FNBP1L: variants seen among roughly 807,000 people sequenced by gnomAD.
FNBP1L encodes the protein formin binding protein 1 like.
In FNBP1L, 36 loss-of-function variants were observed where a neutral mutation model predicts 91.2. The ratio of observed to expected loss-of-function variants is 0.39; its 90% confidence interval spans 0.30 to 0.52. The LOEUF (loss-of-function observed/expected upper bound fraction) is 0.52. FNBP1L is among the 20% of genes least tolerant of loss of function. The pLI, the probability that FNBP1L is intolerant of heterozygous loss-of-function variation, is 0.66. For missense variants in FNBP1L, 571 were observed against 732.1 expected (o/e 0.78, Z 2.54); for synonymous variants, 242 against 237.0 (o/e 1.02, Z -0.19).
chr1:93,546,726 A>C (rs1672252765), intron 12 of FNBP1L, 116 bp from the exon 13 acceptor site: 1 of 1,079,038 alleles, frequency 9.3e-7, no homozygotes, highest in African/African-American at 1.6e-5. Context: ...AAACTTAAAA[A>C]GATGTGACTC....
At chr1:93,472,575 G>A (rs1040913517) in intron 1 of FNBP1L, among the ~76,000 whole-genome samples, 1 of 151,882 alleles carries the variant, frequency 6.6e-6, no homozygotes, top group African/African-American at 2.4e-5. Context: ...AACTTTGGGA[G>A]GCTGAGGTGG....
rs1194477107 is a variant in FNBP1L at position 93,477,785 on chromosome 1, C to G, written c.25-21683C>G. Among the ~76,000 whole-genome samples the G allele has an allele frequency of 2.0e-5, 3 of 152,276 alleles. 1 individual carries two copies. Among genetic ancestry groups the G allele is most frequent in the Middle Eastern group, 6.8e-3 (2 of 294 alleles). Reference sequence around the variant, plus strand: ...AATCCATATTTCTATTTCAGATGTCCTACTATAACCATACCCTGCATTAGT... The same window carrying G: ...AATCCATATTTCTATTTCAGATGTCGTACTATAACCATACCCTGCATTAGT... On this transcript the variant is annotated intron_variant, in intron 1 of 16. Coordinates refer to ENST00000271234, the MANE Select transcript of FNBP1L (RefSeq NM_001164473.3).
At chr1:93,545,473 CAG>C (rs1001094856) in intron 12 of FNBP1L, among the ~76,000 whole-genome samples, 3 of 151,990 alleles carry the variant, frequency 2.0e-5, no homozygotes, top group Non-Finnish European at 2.9e-5. Context: ...AGTGCTAATC[CAG>C]AGAGACTTGG....
chr1:93,539,065 T>C (rs1671940470), intron 10 of FNBP1L, among the ~76,000 whole-genome samples: 1 of 152,090 alleles, frequency 6.6e-6, no homozygotes, highest in Non-Finnish European at 1.5e-5. Context: ...AACAAACTAA[T>C]AATTTTTACT....
chr1:93,512,560 A>G (rs1478778579), intron 2 of FNBP1L, among the ~76,000 whole-genome samples: 2 of 151,982 alleles, frequency 1.3e-5, no homozygotes, highest in African/African-American at 2.4e-5. Flanking sequence ...AACAGAAATT[A>G]TAGCAAACTA....
chr1:93,471,458 A>G (rs1207900742), intron 1 of FNBP1L, among the ~76,000 whole-genome samples: 2 of 152,196 alleles, frequency 1.3e-5, no homozygotes, highest in Non-Finnish European at 2.9e-5. Context: ...TTGGGAGGCC[A>G]AGGTGGGCAG....
chr1:93,488,823 C>T lies in FNBP1L; in HGVS notation c.25-10645C>T, dbSNP rs1360745242. 2.0e-5 allele frequency among the ~76,000 whole-genome samples: 3 copies of T among 152,054 alleles called. No homozygotes were observed. The East Asian group carries it at 5.8e-4, about 29-fold the overall frequency. ...ATGGACAGTTTATCCGAAGTAATAA[C>T]CAGGAATGCCTAATAAAAACATGCA... On this transcript the variant is annotated intron_variant, in intron 1 of 16. Transcript: ENST00000271234.
intron 14 of FNBP1L, among the ~76,000 whole-genome samples, chr1:93,548,867 G>A (rs1489644115): frequency 6.6e-6 from 1 of 152,156 alleles, no homozygotes; most frequent in Non-Finnish European, 1.5e-5. Context: ...GGCCACTCCA[G>A]ATTCAGAATA....
chr1:93,457,053 A>G (rs551624809), intron 1 of FNBP1L, among the ~76,000 whole-genome samples: 1 of 151,714 alleles, frequency 6.6e-6, no homozygotes, highest in Admixed American at 6.6e-5. Flanking sequence ...ACACCCAGCT[A>G]ATATTTGTAT....
At chr1:93,487,198 T>C (rs957025442) in intron 1 of FNBP1L, among the ~76,000 whole-genome samples, 2 of 152,228 alleles carry the variant, frequency 1.3e-5, no homozygotes, top group African/African-American at 4.8e-5. Flanking sequence ...AATAATACAT[T>C]ATTCATTTGG....
chr1:93,504,939 T>C (rs1031453424), intron 2 of FNBP1L, among the ~76,000 whole-genome samples: 3 of 152,118 alleles, frequency 2.0e-5, no homozygotes, highest in Non-Finnish European at 4.4e-5. Context: ...AATTTTGATG[T>C]AGTTTATCTA....
intron 1 of FNBP1L, among the ~76,000 whole-genome samples, chr1:93,480,993 A>G (rs74580328): frequency 6.6e-6 from 1 of 150,556 alleles, no homozygotes; most frequent in African/African-American, 2.4e-5. Context: ...TAGAATTATG[A>G]AAAAAAAAAT....
chr1:93,471,666 T>C (rs1388694036), intron 1 of FNBP1L, among the ~76,000 whole-genome samples: 2 of 152,200 alleles, frequency 1.3e-5, no homozygotes, highest in East Asian at 3.8e-4. Flanking sequence ...CACTCCAGCC[T>C]GGGTGACCAG....
At chr1:93,455,370 G>GT (rs1668625261) in intron 1 of FNBP1L, among the ~76,000 whole-genome samples, 2 of 152,172 alleles carry the variant, frequency 1.3e-5, no homozygotes, top group East Asian at 3.8e-4. Context: ...TGTATCTTTT[G>GT]TAGAGACAAG....
intron 1 of FNBP1L, among the ~76,000 whole-genome samples, chr1:93,458,490 T>G (rs1324197073): frequency 2.0e-5 from 3 of 152,158 alleles, no homozygotes; most frequent in African/African-American, 7.2e-5. Flanking sequence ...TAAAATGGCT[T>G]AAAGACTTAA....
chr1:93,461,264 A>AG (rs1303304730), intron 1 of FNBP1L, among the ~76,000 whole-genome samples: 8 of 152,168 alleles, frequency 5.3e-5, no homozygotes, highest in Non-Finnish European at 1.2e-4. Context: ...GTGAAGGCCC[A>AG]GGAGGTATGC....
At chr1:93,511,743 G>T (rs1452067215) in intron 2 of FNBP1L, among the ~76,000 whole-genome samples, 1 of 152,038 alleles carries the variant, frequency 6.6e-6, no homozygotes, top group African/African-American at 2.4e-5. Context: ...GAGGCGGGCG[G>T]ATCACGAGGT....
At chr1:93,494,572 A>G (rs1670201137) in intron 1 of FNBP1L, among the ~76,000 whole-genome samples, 1 of 152,170 alleles carries the variant, frequency 6.6e-6, no homozygotes, top group African/African-American at 2.4e-5. Context: ...GCATTAGCAT[A>G]AATTTAGGTA....
intron 2 of FNBP1L, among the ~76,000 whole-genome samples, chr1:93,520,967 C>T (rs866981594): frequency 7.9e-5 from 12 of 152,026 alleles, no homozygotes; most frequent in Admixed American, 2.0e-4. Flanking sequence ...GCCTGAACCC[C>T]GGAGGCAGAG....
Sources: gnomAD v4.1 joint callset for allele counts (sites outside exome capture counted in the v4.1 genomes callset) on GRCh38, gnomAD v4.1.1 for gene constraint, MANE v1.5 for transcripts, NCBI Gene and HGNC (gene_info 2026-07-23, HGNC 2026-07-21) for gene names.